The following FGD4 variants were observed in gnomAD, a reference collection of about 807,000 sequenced individuals.
FGD4 encodes FYVE, RhoGEF and PH domain containing 4.
FGD4 carries 42 observed loss-of-function variants against 102.0 expected under a neutral mutation model. That is an observed-to-expected ratio of 0.41 (90% CI 0.32 to 0.53). The LOEUF (loss-of-function observed/expected upper bound fraction) is 0.53, where lower values mean the gene tolerates loss of function less well. Ranked by LOEUF, FGD4 falls within the 20% of genes least tolerant of loss-of-function variation. The probability of loss-of-function intolerance (pLI) is 0.21; values close to 1 mark genes in which losing one functional copy is unlikely to be tolerated. For synonymous variants in FGD4, 380 were observed against 375.7 expected (o/e 1.01, Z -0.13); for missense variants, 902 against 1,078.2 (o/e 0.84, Z 2.29).
rs761353746 is a variant in FGD4 at position 32,638,796 on chromosome 12, G to A, written c.2454+1G>A. 1 of 1,613,976 alleles carries A rather than the reference G, an allele frequency of 6.2e-7. No homozygotes were observed. Among genetic ancestry groups the A allele is most frequent in the Non-Finnish European group, 8.5e-7 (1 of 1,179,908 alleles). ...GCTGTACATGTATGGTGCCCCCCAG[G>A]TATCTAAACCACATCTGTCTGAAGG... On this transcript the variant is annotated splice_donor_variant, in intron 16 of 16. Coordinates refer to ENST00000534526, the MANE Select transcript of FGD4 (RefSeq NM_001370298.3). LOFTEE classifies it high-confidence loss of function.
intron 1 of FGD4, among the ~76,000 whole-genome samples, chr12:32,418,539 C>T (rs1941509728): frequency 6.6e-6 from 1 of 152,162 alleles, no homozygotes; most frequent in Non-Finnish European, 1.5e-5. Context: ...CTCTTGTTCT[C>T]TTCCTTTATT....
At chr12:32,503,641 T>C (rs1938425161) in intron 1 of FGD4, among the ~76,000 whole-genome samples, 1 of 152,192 alleles carries the variant, frequency 6.6e-6, no homozygotes, top group Admixed American at 6.5e-5. Flanking sequence ...GGTACAAAAT[T>C]AGTTTAGCTA....
At chr12:32,576,571 G>A in intron 3 of FGD4, 122 bp downstream of exon 3, 1 of 1,141,280 alleles carries the variant, frequency 8.8e-7, no homozygotes, top group South Asian at 1.3e-5. Flanking sequence ...GGTTTGGTAG[G>A]CCTTCAGAAA....
At chr12:32,408,153 C>A (rs1407376916) in intron 1 of FGD4, among the ~76,000 whole-genome samples, 1 of 146,528 alleles carries the variant, frequency 6.8e-6, no homozygotes, top group Non-Finnish European at 1.5e-5. Flanking sequence ...GCCACACCAT[C>A]ATGTCCAGCC....
intron 1 of FGD4, among the ~76,000 whole-genome samples, chr12:32,462,373 C>A (rs1293235758): frequency 6.6e-6 from 1 of 152,012 alleles, no homozygotes; most frequent in East Asian, 1.9e-4. Context: ...GTTGGCCAGA[C>A]TGGCCTCAAA....
At chr12:32,531,249 C>T (rs1349651375) in intron 1 of FGD4, among the ~76,000 whole-genome samples, 1 of 151,858 alleles carries the variant, frequency 6.6e-6, no homozygotes, top group African/African-American at 2.4e-5. Flanking sequence ...CCACCCGGCC[C>T]TCCTAGCCTC....
At chr12:32,462,759 T>G (rs1943142475) in intron 1 of FGD4, among the ~76,000 whole-genome samples, 1 of 152,158 alleles carries the variant, frequency 6.6e-6, no homozygotes, top group Non-Finnish European at 1.5e-5. Flanking sequence ...ATATGTAAGG[T>G]TGGATGATTA....
chr12:32,523,367 A>G (rs1161938846), intron 1 of FGD4, among the ~76,000 whole-genome samples: 1 of 152,244 alleles, frequency 6.6e-6, no homozygotes, highest in Non-Finnish European at 1.5e-5. Flanking sequence ...TTTATATTGT[A>G]GTACAGCCAC....
chr12:32,510,945 T>C (rs1212804537), intron 1 of FGD4, among the ~76,000 whole-genome samples: 1 of 152,198 alleles, frequency 6.6e-6, no homozygotes, highest in Non-Finnish European at 1.5e-5. Context: ...GTACCTTTTA[T>C]GAAAGAGGTG....
intron 1 of FGD4, among the ~76,000 whole-genome samples, chr12:32,496,510 A>G (rs540767485): frequency 1.3e-5 from 2 of 152,166 alleles, no homozygotes; most frequent in African/African-American, 2.4e-5. Flanking sequence ...AAAAAGGGGT[A>G]GCATATGCTT....
chr12:32,459,315 T>C (rs1443379603), intron 1 of FGD4, among the ~76,000 whole-genome samples: 1 of 149,578 alleles, frequency 6.7e-6, no homozygotes, highest in African/African-American at 2.4e-5. Context: ...TGCCTCAGCC[T>C]CCCAACTAGC....
At chr12:32,590,738 A>G (rs10844250) in intron 4 of FGD4, among the ~76,000 whole-genome samples, 43,923 of 152,130 alleles carry the variant, frequency 0.29, 6,664 homozygotes, top group Middle Eastern at 0.49. Context: ...ATTACAAGAG[A>G]TAACTCATGT....
chr12:32,508,950 T>C (rs1246305306), intron 1 of FGD4, among the ~76,000 whole-genome samples: 1 of 152,248 alleles, frequency 6.6e-6, no homozygotes, highest in Non-Finnish European at 1.5e-5. Context: ...CTGTTTTCTG[T>C]ATCTGCAAAG....
chr12:32,624,282 G>A (rs1223648702), intron 11 of FGD4, 140 bp from the exon 12 acceptor site: 4 of 680,890 alleles, frequency 5.9e-6, no homozygotes, highest in Admixed American at 2.8e-5. Context: ...TTAATTGCCA[G>A]AGATTAATTT....
chr12:32,627,998 C>G (rs1440923759), intron 14 of FGD4, among the ~76,000 whole-genome samples: 3 of 152,132 alleles, frequency 2.0e-5, no homozygotes, highest in Non-Finnish European at 4.4e-5. Context: ...ATATGTGAAC[C>G]TGGCATGCCA....
intron 1 of FGD4, among the ~76,000 whole-genome samples, chr12:32,494,141 C>A (rs574402245): frequency 6.6e-6 from 1 of 152,220 alleles, no homozygotes; most frequent in Non-Finnish European, 1.5e-5. Context: ...TGTGCTCAGG[C>A]AATCCTCCTG....
intron 16 of FGD4, 32 bp from the exon 17 acceptor site, chr12:32,640,244 C>T (rs1951089663): frequency 5.0e-6 from 8 of 1,614,124 alleles, no homozygotes; most frequent in African/African-American, 1.3e-5. Context: ...GAATACATCA[C>T]CTGCTTTTAA....
At chr12:32,497,046 A>C (rs1239988429) in intron 1 of FGD4, among the ~76,000 whole-genome samples, 2 of 152,168 alleles carry the variant, frequency 1.3e-5, no homozygotes, top group Non-Finnish European at 2.9e-5. Context: ...TGATGGTTGG[A>C]CTTGAATAGA....
intron 1 of FGD4, among the ~76,000 whole-genome samples, chr12:32,539,394 A>T (rs1942604844): frequency 6.6e-6 from 1 of 151,810 alleles, no homozygotes; most frequent in South Asian, 2.1e-4. Flanking sequence ...ACATGGAGAA[A>T]CCGCATCTCT....
Sources: gnomAD v4.1 joint callset for allele counts (sites outside exome capture counted in the v4.1 genomes callset) on GRCh38, gnomAD v4.1.1 for gene constraint, MANE v1.5 for transcripts, NCBI Gene and HGNC (gene_info 2026-07-23, HGNC 2026-07-21) for gene names.